Variants in ELOVL7 observed in about 807,000 individuals in gnomAD.
ELOVL7 encodes the protein ELOVL fatty acid elongase 7.
Under a neutral mutation model 35.7 loss-of-function variants are expected in ELOVL7, and 27 were observed. That is an observed-to-expected ratio of 0.76 (90% CI 0.56 to 1.04). The LOEUF (loss-of-function observed/expected upper bound fraction) is 1.04. ELOVL7 is among the 50% of genes least tolerant of loss of function. The pLI is 0.00. For synonymous variants in ELOVL7, 113 were observed against 114.6 expected (o/e 0.99, Z 0.09); for missense variants, 327 against 340.8 (o/e 0.96, Z 0.32).
intron 3 of ELOVL7, among the ~76,000 whole-genome samples, chr5:60,775,213 T>G (rs917601246): frequency 3.3e-5 from 5 of 152,134 alleles, no homozygotes; most frequent in Non-Finnish European, 4.4e-5. Context: ...AAATCAAGAA[T>G]GCAATCCTAT....
rs1741405782 is a variant in ELOVL7, at chr5:60,754,368, C to T, written c.*256G>A. The T allele has an allele frequency of 2.3e-6, 1 of 434,624 alleles. No homozygotes were observed. Among genetic ancestry groups the T allele is most frequent in the Non-Finnish European group, 4.2e-6 (1 of 240,390 alleles). The allele number at this position is 434,624 out of a possible 1,614,324, so 26.9% of individuals were successfully genotyped here. On this transcript the variant is annotated 3_prime_UTR_variant, in exon 9 of 9. Transcript: ENST00000508821. ...TGCAACAAAATGTTTTAAACAAAAC[C>T]TTTGGATTAGGTTTAAAAGCAGCTA... is the stretch of plus-strand genomic sequence containing the variant.
intron 7 of ELOVL7, among the ~76,000 whole-genome samples, chr5:60,758,567 C>T (rs1285425971): frequency 1.3e-5 from 2 of 152,148 alleles, no homozygotes; most frequent in East Asian, 3.8e-4. Context: ...TTATGCCTTC[C>T]TATTTTGGTT....
rs182650500 is a variant in ELOVL7, at chr5:60,831,451, C to A, written c.-86+12709G>T. Among the ~76,000 whole-genome samples, 192 of 152,260 alleles carry A rather than the reference C, an allele frequency of 1.3e-3. 1 individual carries two copies. The highest frequency in any genetic ancestry group is 4.5e-3 in the African/African-American group (187 of 41,562). Reference sequence around the variant, plus strand: ...ATGTGATGTTTTGGGAGTTTATGGACCTTCTGAAGTCCATCCATAGACCAG... The same window carrying A: ...ATGTGATGTTTTGGGAGTTTATGGAACTTCTGAAGTCCATCCATAGACCAG... On this transcript the variant is annotated intron_variant, in intron 1 of 8. Coordinates refer to ENST00000508821, the MANE Select transcript of ELOVL7 (RefSeq NM_024930.3).
intron 3 of ELOVL7, among the ~76,000 whole-genome samples, chr5:60,774,965 C>T (rs1165804132): frequency 6.6e-6 from 1 of 152,030 alleles, no homozygotes; most frequent in Non-Finnish European, 1.5e-5. Context: ...AGGGTTTCAC[C>T]TTGTTGGCCA....
At chr5:60,762,621 T>C (rs1329716924) in intron 7 of ELOVL7, among the ~76,000 whole-genome samples, 1 of 152,180 alleles carries the variant, frequency 6.6e-6, no homozygotes, top group Non-Finnish European at 1.5e-5. Flanking sequence ...TCTATTCACA[T>C]TTAGTTTTCA....
At chr5:60,827,501 G>A (rs575057341) in intron 1 of ELOVL7, among the ~76,000 whole-genome samples, 2 of 152,116 alleles carry the variant, frequency 1.3e-5, no homozygotes, top group South Asian at 2.1e-4. Flanking sequence ...TTTTCTTCTA[G>A]ACAATTTTAT....
Position 60,754,406 on chromosome 5 carries a change from CA to C in ELOVL7, c.*217del. ...TTAAAAGCAGCTAAAAAAACAAAAA[CA>C]AAAACAAAAACAAATTCTGGCTGCT... On this transcript the variant is annotated 3_prime_UTR_variant, in exon 9 of 9. Coordinates refer to ENST00000508821, the MANE Select transcript of ELOVL7 (RefSeq NM_024930.3). 1 of 522,304 alleles carries C rather than the reference CA, an allele frequency of 1.9e-6. No individual in the cohort carries two copies. The highest frequency in any genetic ancestry group is 2.7e-5 in the South Asian group (1 of 37,446). The allele number at this position is 522,304 out of a possible 1,614,324, so 32.4% of individuals were successfully genotyped here.
intron 1 of ELOVL7, among the ~76,000 whole-genome samples, chr5:60,828,848 T>C (rs1579932511): frequency 6.6e-6 from 1 of 152,204 alleles, no homozygotes; most frequent in East Asian, 1.9e-4. Flanking sequence ...CAAGAATCTC[T>C]CACTACTTTT....
intron 1 of ELOVL7, among the ~76,000 whole-genome samples, chr5:60,841,458 G>A (rs775186580): frequency 6.6e-6 from 1 of 152,126 alleles, no homozygotes; most frequent in African/African-American, 2.4e-5. Context: ...TCTCTTCTTG[G>A]CTCCCTGATC....
At chr5:60,761,616 G>A (rs990843604) in intron 7 of ELOVL7, among the ~76,000 whole-genome samples, 11 of 152,072 alleles carry the variant, frequency 7.2e-5, no homozygotes, top group African/African-American at 2.7e-4. Context: ...AGATTGTGAC[G>A]GGTATTGAAA....
In ELOVL7 at chr5:60,818,319, G is replaced by GAA. The variant is rs60141189; in HGVS notation, c.-85-19091_-85-19090dup. Among the ~76,000 whole-genome samples the GAA allele has an allele frequency of 5.8e-4, 41 of 70,560 alleles. No homozygotes were observed. The South Asian group carries it at 8.3e-3, about 14-fold the overall frequency. 46.3% of individuals were successfully genotyped at this position (70,560 alleles called of 152,430 possible). On this transcript the variant is annotated intron_variant, in intron 1 of 8. Coordinates refer to ENST00000508821, the MANE Select transcript of ELOVL7 (RefSeq NM_024930.3). ...GGCAACAGAGTGAGGTTCCATCTCA[G>GAA]AAAAAAAAAAAAAAAAAAAAAAAAG...
intron 1 of ELOVL7, among the ~76,000 whole-genome samples, chr5:60,829,660 T>C (rs574412806): frequency 9.8e-5 from 15 of 152,290 alleles, no homozygotes; most frequent in African/African-American, 3.1e-4. Context: ...AATTCTGGAA[T>C]GATGAAAAGG....
chr5:60,800,030 C>CAAA (rs58041305), intron 1 of ELOVL7, among the ~76,000 whole-genome samples: 97 of 86,146 alleles, frequency 1.1e-3, no homozygotes, highest in African/African-American at 1.5e-3. Context: ...AACTCCATCT[C>CAAA]AAAAAAAAAA....
chr5:60,825,170 C>T (rs573824293), intron 1 of ELOVL7, among the ~76,000 whole-genome samples: 2 of 152,058 alleles, frequency 1.3e-5, no homozygotes, highest in Non-Finnish European at 2.9e-5. Context: ...TACAGGTGTG[C>T]GCCACCATGC....
chr5:60,824,704 C>T (rs1328181966), intron 1 of ELOVL7, among the ~76,000 whole-genome samples: 1 of 152,202 alleles, frequency 6.6e-6, no homozygotes, highest in African/African-American at 2.4e-5. Context: ...AAGCCACTGT[C>T]CTGTCTTATC....
At chr5:60,821,726 T>C (rs1328759362) in intron 1 of ELOVL7, among the ~76,000 whole-genome samples, 2 of 152,246 alleles carry the variant, frequency 1.3e-5, no homozygotes, top group Non-Finnish European at 2.9e-5. Context: ...TCTTACTAGA[T>C]TGGTACCAGC....
chr5:60,831,679 A>G (rs1230546131), intron 1 of ELOVL7, among the ~76,000 whole-genome samples: 4 of 152,168 alleles, frequency 2.6e-5, no homozygotes, highest in Non-Finnish European at 5.9e-5. Flanking sequence ...AAAACTGTTA[A>G]AGTATTATCC....
At chr5:60,792,816 G>C (rs1215678781) in intron 2 of ELOVL7, among the ~76,000 whole-genome samples, 1 of 152,188 alleles carries the variant, frequency 6.6e-6, no homozygotes, top group East Asian at 1.9e-4. Flanking sequence ...GTTCAGACCT[G>C]GTGATGGCTT....
chr5:60,788,345 A>T (rs529818558), intron 2 of ELOVL7, among the ~76,000 whole-genome samples: 1 of 152,210 alleles, frequency 6.6e-6, no homozygotes, highest in Non-Finnish European at 1.5e-5. Context: ...TCTAGAGATG[A>T]TGGTGGTGAT....
Sources: allele counts gnomAD v4.1 joint callset (sites outside exome capture counted in the v4.1 genomes callset), GRCh38; gene constraint gnomAD v4.1.1; transcripts MANE v1.5; gene names NCBI Gene and HGNC (gene_info 2026-07-23, HGNC 2026-07-21).